POM121C: variants seen among roughly 807,000 people sequenced by gnomAD.
POM121C encodes nuclear envelope pore membrane protein POM 121C.
POM121C carries 20 observed loss-of-function variants against 66.4 expected under a neutral mutation model. The ratio of observed to expected loss-of-function variants is 0.30; its 90% CI spans 0.21 to 0.44. The LOEUF (loss-of-function observed/expected upper bound fraction) is 0.44, where lower values mean the gene tolerates loss of function less well. Among genes scored for constraint, POM121C ranks in the 20% least tolerant of loss-of-function variants. The probability of loss-of-function intolerance (pLI) is 1.00; values close to 1 mark genes in which losing one functional copy is unlikely to be tolerated. For synonymous variants in POM121C, 286 were observed against 528.0 expected, an observed-to-expected ratio of 0.54 and a Z score of 6.28; for missense variants, 580 against 1,225.7, an observed-to-expected ratio of 0.47 and a Z score of 7.87.
intron 1 of POM121C, among the ~76,000 whole-genome samples, chr7:75,481,795 G>A (rs1584722878): frequency 6.6e-6 from 1 of 152,094 alleles, no homozygotes; most frequent in African/African-American, 2.4e-5. Flanking sequence ...CAGCCTAGGC[G>A]ACAGAGTGAG....
At chr7:75,420,574 CCCCCACTG>C (rs1314489175) in intron 13 of POM121C, 1 of 152,176 alleles carries the variant, frequency 6.6e-6, no homozygotes, top group African/African-American at 2.4e-5. Context: ...ATGTTCCTTT[CCCCCACTG>C]TCCAAAATGA....
chr7:75,418,605 C>CCCT lies in POM121C; in HGVS notation c.*188_*190dup. 1 of 1,314,306 alleles carries CCCT rather than the reference C, an allele frequency of 7.6e-7. No individual in the cohort carries two copies. The highest frequency in any genetic ancestry group is 1.7e-5 in the South Asian group (1 of 60,018). The allele number at this position is 1,314,306 out of a possible 1,614,324, so 81.4% of individuals were successfully genotyped here. ...GCTTTGGCCCTCCGCATCCTGCTTCCCCTTCCCTGAGGCTTGTGCTTCCTC... is the reference window on the plus strand; with the variant it reads ...GCTTTGGCCCTCCGCATCCTGCTTCCCCTCCTTCCCTGAGGCTTGTGCTTCCTC... On this transcript the variant is annotated 3_prime_UTR_variant, in exon 15 of 15. Coordinates refer to ENST00000615331, the MANE Select transcript of POM121C (RefSeq NM_001099415.3).
intron 3 of POM121C, among the ~76,000 whole-genome samples, chr7:75,468,708 T>C (rs1429559741): frequency 6.6e-6 from 1 of 152,142 alleles, no homozygotes; most frequent in Non-Finnish European, 1.5e-5. Context: ...CATTTGGATA[T>C]CTAACTAACA....
chr7:75,477,411 T>C (rs587660300), intron 1 of POM121C, among the ~76,000 whole-genome samples: 7 of 152,274 alleles, frequency 4.6e-5, no homozygotes, highest in South Asian at 4.1e-4. Context: ...GGTGAAACCC[T>C]ATCTCTACTA....
chr7:75,482,036 G>A (rs1283678739), intron 1 of POM121C, among the ~76,000 whole-genome samples: 1 of 151,758 alleles, frequency 6.6e-6, no homozygotes, highest in Non-Finnish European at 1.5e-5. Context: ...GAAAAGAACT[G>A]AACATAAACC....
intron 1 of POM121C, among the ~76,000 whole-genome samples, chr7:75,485,540 G>C (rs1301644863): frequency 6.6e-6 from 1 of 152,186 alleles, no homozygotes; most frequent in Non-Finnish European, 1.5e-5. Flanking sequence ...TTAAGTGAGA[G>C]AATAGAAGTG....
chr7:75,484,775 T>C (rs1436507445), intron 1 of POM121C, among the ~76,000 whole-genome samples: 3 of 151,934 alleles, frequency 2.0e-5, no homozygotes, highest in Non-Finnish European at 4.4e-5. Context: ...TGACTCCTTT[T>C]ACAAATAGTC....
intron 5 of POM121C, among the ~76,000 whole-genome samples, chr7:75,440,096 GT>G (rs1351064070): frequency 6.6e-6 from 1 of 151,528 alleles, no homozygotes; most frequent in Admixed American, 6.6e-5. Context: ...GGCCAGGCTG[GT>G]CTCGAACTCC....
chr7:75,433,527 T>A (rs1790273124), intron 7 of POM121C, among the ~76,000 whole-genome samples: 1 of 151,930 alleles, frequency 6.6e-6, no homozygotes, highest in Admixed American at 6.6e-5. Flanking sequence ...AGCTAATTTT[T>A]AAAAAATATT....
chr7:75,471,717 C>G (rs1791885709), intron 3 of POM121C, among the ~76,000 whole-genome samples: 1 of 152,076 alleles, frequency 6.6e-6, no homozygotes, highest in Admixed American at 6.5e-5. Context: ...GGCGAAAGCA[C>G]GACCTGCCAG....
chr7:75,478,112 G>A (rs1475138643), intron 1 of POM121C, among the ~76,000 whole-genome samples: 5 of 151,994 alleles, frequency 3.3e-5, no homozygotes, highest in African/African-American at 7.2e-5. Flanking sequence ...GATTACAGGC[G>A]TGCACCAGCA....
At position 75,480,725 on chromosome 7, in the gene POM121C, C is replaced by A. The variant is rs587740720; in HGVS notation, c.-458+5139G>T. On this transcript the variant is annotated intron_variant, in intron 1 of 14. Coordinates refer to ENST00000615331, the MANE Select transcript of POM121C (RefSeq NM_001099415.3). Reference sequence around the variant, plus strand: ...CTGTATTCTTCAAATGTTATAATGGCACTGTGGAACAAATCCGTATTAAAC... The same window carrying A: ...CTGTATTCTTCAAATGTTATAATGGAACTGTGGAACAAATCCGTATTAAAC... Among the ~76,000 whole-genome samples the A allele has an allele frequency of 1.1e-3, 172 of 152,136 alleles. 1 individual carries two copies. Among genetic ancestry groups the A allele is most frequent in the Admixed American group, 3.6e-3 (55 of 15,266 alleles).
At chr7:75,441,771 G>T in intron 3 of POM121C, 124 bp from the exon 4 acceptor site, 1 of 943,204 alleles carries the variant, frequency 1.1e-6, no homozygotes. Flanking sequence ...ACGCAACACA[G>T]AACACGTTGT....
At chr7:75,441,790 C>G in intron 3 of POM121C, 143 bp from the exon 4 acceptor site, 1 of 749,436 alleles carries the variant, frequency 1.3e-6, no homozygotes, top group Non-Finnish European at 2.1e-6. Flanking sequence ...GTTTTTATGG[C>G]AACTTTCCCC....
At chr7:75,442,312 G>A (rs1372609874) in intron 3 of POM121C, 4 of 1,434,700 alleles carry the variant, frequency 2.8e-6, no homozygotes, top group African/African-American at 1.5e-5. Flanking sequence ...GAGCGGGGGC[G>A]GGCTGCGGCG....
chr7:75,418,400 T>G lies in POM121C; in HGVS notation c.*396A>C, dbSNP rs1789559938. ...AACCCATTTCCCAAATCCCATCAGG[T>G]GCACACCACCGATCCAGGCGGGCTG... On this transcript the variant is annotated 3_prime_UTR_variant, in exon 15 of 15. Coordinates refer to ENST00000615331, the MANE Select transcript of POM121C (RefSeq NM_001099415.3). The G allele has an allele frequency of 9.9e-7, 1 of 1,011,174 alleles. No individual in the cohort carries two copies. Among genetic ancestry groups the G allele is most frequent in the Non-Finnish European group, 1.2e-6 (1 of 846,864 alleles). The allele number at this position is 1,011,174 out of a possible 1,614,324, so 62.6% of individuals were successfully genotyped here.
chr7:75,472,042 C>G (rs1195614967), intron 3 of POM121C, among the ~76,000 whole-genome samples: 1 of 151,990 alleles, frequency 6.6e-6, no homozygotes, highest in East Asian at 2.0e-4. Context: ...CCCACCACCA[C>G]GCCCGGCTAA....
At chr7:75,480,874 T>C (rs1427215447) in intron 1 of POM121C, among the ~76,000 whole-genome samples, 5 of 152,008 alleles carry the variant, frequency 3.3e-5, no homozygotes, top group Admixed American at 6.6e-5. Context: ...TGAACTATAG[T>C]TTAGATAAAA....
At chr7:75,462,026 T>C (rs1791460887) in intron 3 of POM121C, among the ~76,000 whole-genome samples, 1 of 145,416 alleles carries the variant, frequency 6.9e-6, no homozygotes, top group South Asian at 2.2e-4. Context: ...ATCAACTTCA[T>C]GAGAACTGTA....
Sources: gnomAD v4.1 joint callset for allele counts (sites outside exome capture counted in the v4.1 genomes callset) on GRCh38, gnomAD v4.1.1 for gene constraint, MANE v1.5 for transcripts, NCBI Gene and HGNC (gene_info 2026-07-23, HGNC 2026-07-21) for gene names.